The following GRIA3 variants were observed in gnomAD, a reference collection of about 807,000 sequenced individuals.
The protein encoded by GRIA3 is glutamate receptor 3.
GRIA3 carries 3 observed loss-of-function variants against 63.0 expected under a neutral mutation model. That is an observed-to-expected ratio of 0.05 (90% CI 0.02 to 0.12). GRIA3 has a LOEUF of 0.12. Among genes scored for constraint, GRIA3 ranks in the 10% least tolerant of loss-of-function variants. The pLI is 1.00. For synonymous variants in GRIA3, 274 were observed against 257.9 expected (o/e 1.06, Z -0.60); for missense variants, 347 against 700.9 (o/e 0.50, Z 5.70).
intron 3 of GRIA3, among the ~76,000 whole-genome samples, chrX:123,286,583 T>A (rs1034477821): frequency 9.9e-5 from 11 of 111,390 alleles, no homozygotes; most frequent in African/African-American, 3.6e-4. Flanking sequence ...TAAAGGGACA[T>A]CATCACTGAT....
chrX:123,265,323 A>G (rs2044481787), intron 3 of GRIA3, among the ~76,000 whole-genome samples: 1 of 111,693 alleles, frequency 9.0e-6, no homozygotes, highest in Non-Finnish European at 1.9e-5. Flanking sequence ...AAACTTAACT[A>G]CTAATAGCCT....
At chrX:123,476,930 G>A (rs2045889877) in intron 13 of GRIA3, among the ~76,000 whole-genome samples, 1 of 111,752 alleles carries the variant, frequency 8.9e-6, no homozygotes, top group African/African-American at 3.3e-5. Flanking sequence ...ATGGCCTCTG[G>A]TTGAAAACTA....
At chrX:123,473,590 T>A (rs59687542) in intron 13 of GRIA3, among the ~76,000 whole-genome samples, 8,557 of 110,837 alleles carry the variant, frequency 0.077, 267 homozygotes, top group African/African-American at 0.11. Context: ...CTGAAACATC[T>A]TCAGTAAAAG....
At chrX:123,224,610 A>G (rs907254608) in intron 2 of GRIA3, among the ~76,000 whole-genome samples, 2 of 110,672 alleles carry the variant, frequency 1.8e-5, no homozygotes, top group Non-Finnish European at 3.8e-5. Flanking sequence ...AAATAAATCT[A>G]CTCATTATCC....
At position 123,314,942 on chromosome X, in the gene GRIA3, T is replaced by C. The variant is rs752351292; in HGVS notation, c.509-11084T>C. On this transcript the variant is annotated intron_variant, in intron 3 of 15. Transcript: ENST00000620443. ...TTGCCCCTGTATTGTAAGTCTTTGG[T>C]TCTAATATTAAAACATACATCCTTC... is the stretch of plus-strand genomic sequence containing the variant. Among the ~76,000 whole-genome samples, 4 of 112,094 alleles carry C rather than the reference T, an allele frequency of 3.6e-5. No homozygotes were observed. The East Asian group carries it at 1.1e-3, about 31-fold the overall frequency.
At chrX:123,353,156 C>A (rs1273613376) in intron 4 of GRIA3, among the ~76,000 whole-genome samples, 1 of 111,165 alleles carries the variant, frequency 9.0e-6, no homozygotes. Context: ...TTCTCTGGGT[C>A]AACTTAAACA....
At chrX:123,330,031 A>G (rs960234239) in intron 4 of GRIA3, among the ~76,000 whole-genome samples, 10 of 111,622 alleles carry the variant, frequency 9.0e-5, no homozygotes, top group African/African-American at 3.3e-4. Flanking sequence ...GTCACTTACT[A>G]TCTTTGTGAC....
intron 5 of GRIA3, among the ~76,000 whole-genome samples, chrX:123,365,321 G>T (rs1440216955): frequency 9.0e-6 from 1 of 111,443 alleles, no homozygotes; most frequent in Non-Finnish European, 1.9e-5. Flanking sequence ...TTCAATAGAG[G>T]CACCTAAAGT....
intron 15 of GRIA3, among the ~76,000 whole-genome samples, chrX:123,484,019 C>T (rs12557411): frequency 9.0e-6 from 1 of 111,519 alleles, no homozygotes; most frequent in Non-Finnish European, 1.9e-5. Context: ...TTTAAGTAAA[C>T]AGTGTATAAG....
chrX:123,458,240 C>CA (rs1223700163), intron 12 of GRIA3, among the ~76,000 whole-genome samples: 8 of 108,357 alleles, frequency 7.4e-5, no homozygotes, highest in East Asian at 2.9e-4. Context: ...GGTGCGGTGA[C>CA]AAAAAAAGAC....
chrX:123,445,309 T>C (rs1364842321), intron 12 of GRIA3, among the ~76,000 whole-genome samples: 1 of 111,738 alleles, frequency 8.9e-6, no homozygotes, highest in Non-Finnish European at 1.9e-5. Flanking sequence ...TGGAAAGTAA[T>C]ACTCCGCCTT....
intron 12 of GRIA3, among the ~76,000 whole-genome samples, chrX:123,459,337 G>A (rs751849516): frequency 8.9e-6 from 1 of 111,943 alleles, no homozygotes; most frequent in Non-Finnish European, 1.9e-5. Flanking sequence ...GAACAACACC[G>A]TTGCAAAGAG....
At chrX:123,476,053 CATA>C (rs1249383138) in intron 13 of GRIA3, among the ~76,000 whole-genome samples, 2 of 111,012 alleles carry the variant, frequency 1.8e-5, no homozygotes, top group Non-Finnish European at 3.8e-5. Flanking sequence ...TAATTATAAT[CATA>C]ATAATAAGTA....
intron 2 of GRIA3, among the ~76,000 whole-genome samples, chrX:123,228,714 C>T (rs149839157): frequency 0.038 from 4,203 of 111,147 alleles, 78 homozygotes; most frequent in Non-Finnish European, 0.058. Context: ...ACTCTCATCC[C>T]TCACCCCTCA....
intron 4 of GRIA3, 107 bp from the exon 5 acceptor site, chrX:123,354,803 T>G (rs2045122251): frequency 1.7e-6 from 1 of 588,672 alleles, no homozygotes; most frequent in African/African-American, 2.2e-5. Context: ...AACTGTGATT[T>G]TCCTGTATAT....
chrX:123,220,994 T>G lies in GRIA3; in HGVS notation c.269-32309T>G, dbSNP rs187213564. 6.2e-5 allele frequency among the ~76,000 whole-genome samples: 7 copies of G among 112,266 alleles called. No homozygotes were observed. In the East Asian group the frequency reaches 2.0e-3, roughly 31 times the overall value. On this transcript the variant is annotated intron_variant, in intron 2 of 15. Transcript: ENST00000620443. ...AACAATTCTATGGAGTAGATATTAGTTGTGGCATGTTAAATGATATGGGAT... is the reference window on the plus strand; with the variant it reads ...AACAATTCTATGGAGTAGATATTAGGTGTGGCATGTTAAATGATATGGGAT...
intron 2 of GRIA3, among the ~76,000 whole-genome samples, chrX:123,198,878 T>G (rs901446389): frequency 7.2e-5 from 8 of 111,733 alleles, no homozygotes; most frequent in Non-Finnish European, 1.3e-4. Context: ...TGACCTCTAT[T>G]TTAATGTGTT....
chrX:123,418,503 T>A (rs1442036325), intron 11 of GRIA3, among the ~76,000 whole-genome samples: 3 of 111,882 alleles, frequency 2.7e-5, no homozygotes, highest in African/African-American at 6.5e-5. Flanking sequence ...GTAAATCATG[T>A]GTCTGATAAA....
intron 5 of GRIA3, among the ~76,000 whole-genome samples, chrX:123,373,016 G>A (rs1417515759): frequency 9.4e-6 from 1 of 106,735 alleles, no homozygotes; most frequent in Non-Finnish European, 1.9e-5. Context: ...CCCTCCCCTA[G>A]CCCCCCACCC....
Sources: allele counts gnomAD v4.1 joint callset (sites outside exome capture counted in the v4.1 genomes callset), GRCh38; gene constraint gnomAD v4.1.1; transcripts MANE v1.5; gene names NCBI Gene and HGNC (gene_info 2026-07-23, HGNC 2026-07-21).